KCNK13: variants seen among roughly 807,000 people sequenced by gnomAD.
KCNK13 encodes potassium two pore domain channel subfamily K member 13.
Under a neutral mutation model 23.4 loss-of-function variants are expected in KCNK13, and 12 were observed. The observed-to-expected ratio is 0.51, with a 90% CI of 0.33 to 0.83. The LOEUF (loss-of-function observed/expected upper bound fraction) is 0.83, where lower values mean the gene tolerates loss of function less well. Among genes scored for constraint, KCNK13 ranks in the 40% least tolerant of loss-of-function variants. The pLI, the probability that KCNK13 is intolerant of heterozygous loss-of-function variation, is 0.02. For missense variants in KCNK13, 463 were observed against 556.3 expected, an observed-to-expected ratio of 0.83 and a Z score of 1.69; for synonymous variants, 231 against 229.5, an observed-to-expected ratio of 1.01 and a Z score of -0.06.
At chr14:90,150,859 G>A (rs945432635) in intron 1 of KCNK13, among the ~76,000 whole-genome samples, 2 of 152,072 alleles carry the variant, frequency 1.3e-5, no homozygotes, top group Non-Finnish European at 2.9e-5. Flanking sequence ...CATTCCTGTA[G>A]TCCCAGCTAC....
At chr14:90,068,181 C>G (rs1401229710) in intron 1 of KCNK13, among the ~76,000 whole-genome samples, 1 of 152,176 alleles carries the variant, frequency 6.6e-6, no homozygotes, top group African/African-American at 2.4e-5. Context: ...CCCCTCCACT[C>G]CCACATCCTT....
At chr14:90,088,683 T>A (rs1216326311) in intron 1 of KCNK13, among the ~76,000 whole-genome samples, 1 of 152,208 alleles carries the variant, frequency 6.6e-6, no homozygotes, top group African/African-American at 2.4e-5. Flanking sequence ...GAGCTACAGA[T>A]GATCCCTTTG....
At chr14:90,092,412 G>A (rs1160130824) in intron 1 of KCNK13, among the ~76,000 whole-genome samples, 1 of 152,122 alleles carries the variant, frequency 6.6e-6, no homozygotes, top group East Asian at 1.9e-4. Flanking sequence ...TTGTCATGGG[G>A]AAAATGTAGG....
intron 1 of KCNK13, among the ~76,000 whole-genome samples, chr14:90,159,579 G>A (rs538693001): frequency 1.3e-5 from 2 of 152,324 alleles, no homozygotes; most frequent in Non-Finnish European, 2.9e-5. Context: ...AACAGAAAGT[G>A]TTACTCAGCA....
intron 1 of KCNK13, among the ~76,000 whole-genome samples, chr14:90,135,861 G>A (rs1408675084): frequency 6.6e-6 from 1 of 152,150 alleles, no homozygotes; most frequent in Non-Finnish European, 1.5e-5. Context: ...TCACCTTCAT[G>A]GTGACAGCCA....
chr14:90,065,213 G>A (rs1361173351), intron 1 of KCNK13, among the ~76,000 whole-genome samples: 7 of 152,124 alleles, frequency 4.6e-5, no homozygotes, highest in Non-Finnish European at 7.3e-5. Flanking sequence ...ACATGATGGT[G>A]TTTTTCCTCT....
chr14:90,105,890 C>T (rs1374323535), intron 1 of KCNK13, among the ~76,000 whole-genome samples: 1 of 152,072 alleles, frequency 6.6e-6, no homozygotes, highest in Non-Finnish European at 1.5e-5. Flanking sequence ...TTGTCCAGGC[C>T]TTGGCAAAAG....
intron 1 of KCNK13, among the ~76,000 whole-genome samples, chr14:90,079,028 T>G (rs1286909): frequency 0.27 from 40,579 of 152,162 alleles, 5,725 homozygotes; most frequent in Non-Finnish European, 0.32. Context: ...CTGCAGGTAC[T>G]GCATGTAGGC....
chr14:90,099,076 A>G (rs1043114716), intron 1 of KCNK13, among the ~76,000 whole-genome samples: 1 of 150,192 alleles, frequency 6.7e-6, no homozygotes, highest in Non-Finnish European at 1.5e-5. Context: ...CTCTGTCTCT[A>G]TAAAAAAATT....
intron 1 of KCNK13, among the ~76,000 whole-genome samples, chr14:90,087,115 TACATATATATATAC>T (rs1889285026): frequency 1.5e-5 from 2 of 133,780 alleles, no homozygotes; most frequent in African/African-American, 5.6e-5. Flanking sequence ...TATATATATA[TACATATATATATAC>T]ATATATATAT....
At chr14:90,164,482 A>G (rs1434524266) in intron 1 of KCNK13, among the ~76,000 whole-genome samples, 1 of 152,168 alleles carries the variant, frequency 6.6e-6, no homozygotes, top group African/African-American at 2.4e-5. Context: ...GAAGAAAGAG[A>G]CTAGAAAAGA....
At chr14:90,071,355 A>G (rs181908219) in intron 1 of KCNK13, among the ~76,000 whole-genome samples, 1 of 152,300 alleles carries the variant, frequency 6.6e-6, no homozygotes, top group Admixed American at 6.5e-5. Context: ...CCAATTTATA[A>G]CCAAAGAAAC....
At chr14:90,101,790 C>CAAAAA (rs546423368) in intron 1 of KCNK13, among the ~76,000 whole-genome samples, 2,243 of 54,910 alleles carry the variant, frequency 0.041, 76 homozygotes, top group African/African-American at 0.048. Flanking sequence ...ACTCCGTCTC[C>CAAAAA]AAAAAAAAAA....
At chr14:90,149,854 G>T (rs1030253371) in intron 1 of KCNK13, among the ~76,000 whole-genome samples, 2 of 152,156 alleles carry the variant, frequency 1.3e-5, no homozygotes, top group Non-Finnish European at 2.9e-5. Flanking sequence ...AGATGATTGA[G>T]GTTTCTTACT....
chr14:90,145,279 G>C lies in KCNK13; in HGVS notation c.335-38832G>C, dbSNP rs560482093. On this transcript the variant is annotated intron_variant, in intron 1 of 1. Transcript: ENST00000282146. ...GTGGTGGTGCGCGCCTGTAGTCCCA[G>C]CTACTTGGGAGGCTGAGGTGGGAGG... Among the ~76,000 whole-genome samples, 448 of 151,794 alleles carry C rather than the reference G, an allele frequency of 3.0e-3. 2 individuals carry two copies. The highest frequency in any genetic ancestry group is 0.01 in the African/African-American group (428 of 41,414).
intron 1 of KCNK13, among the ~76,000 whole-genome samples, chr14:90,142,792 A>G (rs980333110): frequency 6.6e-6 from 1 of 152,236 alleles, no homozygotes; most frequent in Non-Finnish European, 1.5e-5. Context: ...GTTTATTAAC[A>G]TGTGCTTATG....
chr14:90,150,706 C>T (rs894989579), intron 1 of KCNK13, among the ~76,000 whole-genome samples: 6 of 152,274 alleles, frequency 3.9e-5, no homozygotes, highest in Middle Eastern at 3.4e-3. Flanking sequence ...CTGCCCAAAT[C>T]GCAAGTCAAA....
chr14:90,108,325 C>G (rs1398446271), intron 1 of KCNK13, among the ~76,000 whole-genome samples: 2 of 152,120 alleles, frequency 1.3e-5, no homozygotes. Flanking sequence ...TGCCTCTAAG[C>G]CAGTGTTTTT....
chr14:90,068,970 C>G (rs1367232895), intron 1 of KCNK13, among the ~76,000 whole-genome samples: 1 of 151,384 alleles, frequency 6.6e-6, no homozygotes, highest in African/African-American at 2.4e-5. Flanking sequence ...CTGAGATGCT[C>G]AGATGGAGAG....
Sources: gnomAD v4.1 joint callset for allele counts (sites outside exome capture counted in the v4.1 genomes callset) on GRCh38, gnomAD v4.1.1 for gene constraint, MANE v1.5 for transcripts, NCBI Gene and HGNC (gene_info 2026-07-23, HGNC 2026-07-21) for gene names.